The following EFCAB5 variants were observed in gnomAD, a reference collection of about 807,000 sequenced individuals.
EFCAB5 encodes the protein EF-hand calcium binding domain 5.
A neutral mutation model predicts 167.9 loss-of-function variants in EFCAB5; 131 were observed. That is an observed-to-expected ratio of 0.78 (90% confidence interval 0.68 to 0.90). The LOEUF (loss-of-function observed/expected upper bound fraction) is 0.90. Among genes scored for constraint, EFCAB5 ranks in the 40% least tolerant of loss-of-function variants. The pLI, the probability that EFCAB5 is intolerant of heterozygous loss-of-function variation, is 0.00. For synonymous variants in EFCAB5, 574 were observed against 602.8 expected, an observed-to-expected ratio of 0.95 and a Z score of 0.70; for missense variants, 1,663 against 1,745.2, an observed-to-expected ratio of 0.95 and a Z score of 0.84.
intron 3 of EFCAB5, among the ~76,000 whole-genome samples, chr17:29,966,945 A>C (rs2067841800): frequency 6.6e-6 from 1 of 152,132 alleles, no homozygotes; most frequent in South Asian, 2.1e-4. Flanking sequence ...GCCCAATCCT[A>C]TAATCAGCTG....
Position 29,930,355 on chromosome 17 carries a change from C to G in EFCAB5, c.-127+1026C>G, listed in dbSNP as rs2067171348. On this transcript the variant is annotated intron_variant, in intron 1 of 3. Coordinates refer to the EFCAB5 transcript ENST00000448319. The stretch of plus-strand genomic sequence containing the variant: ...GTGCGTGCGCCTCGGGCCGCCGCAC[C>G]CTCCTGGGTTTCCTCCTTCGTGCTG... 5 of 292,828 alleles carry G rather than the reference C, an allele frequency of 1.7e-5. No homozygotes were observed. The South Asian group carries it at 1.9e-4, about 11-fold the overall frequency. 18.1% of individuals were successfully genotyped at this position (292,828 alleles called of 1,614,324 possible). A position where few individuals can be genotyped will look rare whatever the true frequency, so the allele number is the denominator to read the frequency against.
intron 1 of EFCAB5, among the ~76,000 whole-genome samples, chr17:29,931,845 T>G (rs2067200112): frequency 6.6e-6 from 1 of 152,236 alleles, no homozygotes; most frequent in African/African-American, 2.4e-5. Flanking sequence ...TGTATGTTGA[T>G]TCTCTGACTC....
chr17:30,031,527 T>C (rs1014657423), intron 7 of EFCAB5, among the ~76,000 whole-genome samples: 25 of 152,226 alleles, frequency 1.6e-4, no homozygotes, highest in Non-Finnish European at 3.5e-4. Flanking sequence ...GAGAACTTAC[T>C]ACGTGAAACA....
chr17:30,059,287 C>A, intron 13 of EFCAB5: 3 of 270,302 alleles, frequency 1.1e-5, no homozygotes, highest in Non-Finnish European at 1.4e-5. Flanking sequence ...TTTTTTAAGA[C>A]TGAGGTCTCA....
Position 30,079,603 on chromosome 17 carries a change from T to C in EFCAB5, c.3028-469T>C, listed in dbSNP as rs77016585. 5.5e-3 allele frequency among the ~76,000 whole-genome samples: 839 copies of C among 152,290 alleles called. 4 individuals are homozygous for C. Among genetic ancestry groups the C allele is most frequent in the African/African-American group, 0.019 (804 of 41,556 alleles). On this transcript the variant is annotated intron_variant, in intron 15 of 22. Coordinates refer to ENST00000394835, the MANE Select transcript of EFCAB5 (RefSeq NM_198529.4). ...CCTTCCTGAAATTACATAGATCAAA[T>C]ATACAAAGTGTGTTAAGAGTTCCTC...
At chr17:30,022,077 G>A (rs9902453) in intron 7 of EFCAB5, among the ~76,000 whole-genome samples, 94,376 of 151,948 alleles carry the variant, frequency 0.62, 31,602 homozygotes, top group African/African-American at 0.88. Context: ...TTTTCCTAGC[G>A]TATCTGTTTT....
At chr17:29,959,131 G>C (rs1456745572) in intron 3 of EFCAB5, among the ~76,000 whole-genome samples, 4 of 152,104 alleles carry the variant, frequency 2.6e-5, no homozygotes, top group African/African-American at 9.7e-5. Context: ...CTCACCCAAG[G>C]CCTTTGGTAA....
chr17:30,079,342 G>A (rs2070935805), intron 15 of EFCAB5, among the ~76,000 whole-genome samples: 1 of 151,842 alleles, frequency 6.6e-6, no homozygotes, highest in Non-Finnish European at 1.5e-5. Flanking sequence ...TCTTGTATGT[G>A]GAAAGAAGGA....
At chr17:30,084,942 C>T (rs113763275) in intron 18 of EFCAB5, among the ~76,000 whole-genome samples, 177 of 152,304 alleles carry the variant, frequency 1.2e-3, no homozygotes, top group African/African-American at 3.9e-3. Flanking sequence ...GCAGTCCTCT[C>T]CACACAGCTG....
At chr17:29,932,962 C>A (rs1057361027) in intron 1 of EFCAB5, among the ~76,000 whole-genome samples, 1 of 151,934 alleles carries the variant, frequency 6.6e-6, no homozygotes, top group Non-Finnish European at 1.5e-5. Flanking sequence ...TGGTATATAC[C>A]TTTTAAGGAA....
At chr17:30,039,030 G>T (rs1357307857) in intron 8 of EFCAB5, among the ~76,000 whole-genome samples, 1 of 152,106 alleles carries the variant, frequency 6.6e-6, no homozygotes, top group East Asian at 1.9e-4. Context: ...TGGGGTAAAG[G>T]ATCCTCACAT....
At chr17:29,931,158 G>C (rs1220038223) in intron 1 of EFCAB5, among the ~76,000 whole-genome samples, 1 of 152,162 alleles carries the variant, frequency 6.6e-6, no homozygotes, top group Non-Finnish European at 1.5e-5. Flanking sequence ...TTTACACAAA[G>C]AAAGAGAGTT....
chr17:29,982,200 G>A (rs772179773), intron 4 of EFCAB5, among the ~76,000 whole-genome samples: 127 of 152,310 alleles, frequency 8.3e-4, no homozygotes, highest in Non-Finnish European at 1.5e-3. Flanking sequence ...CTGGGAGGCC[G>A]AGGCGGATGG....
intron 18 of EFCAB5, among the ~76,000 whole-genome samples, chr17:30,084,654 A>G (rs2071052193): frequency 1.3e-5 from 2 of 152,308 alleles, no homozygotes; most frequent in African/African-American, 4.8e-5. Context: ...CTCAACGATC[A>G]TAACTTCCTA....
chr17:30,020,712 G>A (rs1597680235), intron 7 of EFCAB5, among the ~76,000 whole-genome samples: 1 of 152,184 alleles, frequency 6.6e-6, no homozygotes, highest in East Asian at 1.9e-4. Flanking sequence ...ATTATACTCT[G>A]AGACCCTATA....
At chr17:30,062,088 T>G (rs993016072) in intron 14 of EFCAB5, among the ~76,000 whole-genome samples, 4 of 152,252 alleles carry the variant, frequency 2.6e-5, no homozygotes, top group African/African-American at 9.6e-5. Context: ...TTCATTTATA[T>G]TCCAGTAGGA....
At chr17:30,058,972 T>G (rs2151794823) in intron 13 of EFCAB5, 1 of 150,178 alleles carries the variant, frequency 6.7e-6, no homozygotes, top group East Asian at 1.9e-4. Flanking sequence ...TCTTAAGGTT[T>G]GTAGAATAAA....
At chr17:29,953,518 T>G (rs958445719) in intron 3 of EFCAB5, among the ~76,000 whole-genome samples, 2 of 152,214 alleles carry the variant, frequency 1.3e-5, no homozygotes, top group African/African-American at 4.8e-5. Context: ...ATGCTCTCTC[T>G]CTCTTACTTG....
chr17:29,943,621 G>C lies in EFCAB5; in HGVS notation c.162G>C (p.Glu54Asp), dbSNP rs138327377. The change falls in exon 3 of 23, where the codon GAG (glutamate) becomes GAC (aspartate). Residue 54 changes from glutamate to aspartate, a missense_variant. By Grantham distance (45) the Glu-to-Asp change is conservative (BLOSUM62 2). Transcript: ENST00000394835. ...PVKEDTNSVVEKAMDEIKSQE... is the reference protein window; with the variant it reads ...PVKEDTNSVVDKAMDEIKSQE... ...AAGAGGACACCAACAGTGTGGTGGA[G>C]AAAGCAATGGATGAAATCAAATCCC... The C allele has an allele frequency of 1.3e-6, 2 of 1,583,428 alleles. No individual in the cohort carries two copies. The highest frequency in any genetic ancestry group is 4.6e-5 in the East Asian group (2 of 43,662).
Sources: allele counts gnomAD v4.1 joint callset (sites outside exome capture counted in the v4.1 genomes callset), GRCh38; gene constraint gnomAD v4.1.1; transcripts MANE v1.5; gene names NCBI Gene and HGNC (gene_info 2026-07-23, HGNC 2026-07-21).